Variants in RFX3 observed in about 807,000 individuals in gnomAD.
RFX3 encodes regulatory factor X3.
In RFX3, 14 loss-of-function variants were observed where a neutral mutation model predicts 98.6. The ratio of observed to expected loss-of-function variants is 0.14; its 90% confidence interval spans 0.09 to 0.22. The LOEUF (loss-of-function observed/expected upper bound fraction) is 0.22. Ranked by LOEUF, RFX3 falls within the 10% of genes least tolerant of loss-of-function variation. RFX3 has a pLI of 1.00. For synonymous variants in RFX3, 383 were observed against 328.4 expected (o/e 1.17, Z -1.80); for missense variants, 639 against 926.9 (o/e 0.69, Z 4.03).
At chr9:3,271,164 G>T (rs532078661) in intron 9 of RFX3, 46 bp from the exon 10 acceptor site, 1 of 1,528,528 alleles carries the variant, frequency 6.5e-7, no homozygotes, top group Non-Finnish European at 9.1e-7. Flanking sequence ...TATTATTTAC[G>T]GGACTGTGTG....
intron 13 of RFX3, among the ~76,000 whole-genome samples, chr9:3,258,005 T>C (rs1822364686): frequency 6.6e-6 from 1 of 152,200 alleles, no homozygotes; most frequent in South Asian, 2.1e-4. Context: ...AGTGCTATGT[T>C]GTATTTTAAG....
chr9:3,438,708 T>C (rs1449615809), intron 1 of RFX3, among the ~76,000 whole-genome samples: 3 of 151,990 alleles, frequency 2.0e-5, no homozygotes, highest in African/African-American at 4.8e-5. Context: ...ACCACACTAA[T>C]ACCAGTCAAA....
intron 1 of RFX3, among the ~76,000 whole-genome samples, chr9:3,449,776 C>T (rs1222317757): frequency 6.6e-6 from 1 of 151,422 alleles, no homozygotes; most frequent in African/African-American, 2.4e-5. Flanking sequence ...TCGTTTGAGC[C>T]CAAGAGATTG....
At chr9:3,306,583 C>A (rs868863691) in intron 4 of RFX3, among the ~76,000 whole-genome samples, 1 of 127,254 alleles carries the variant, frequency 7.9e-6, no homozygotes, top group African/African-American at 3.0e-5. Context: ...GGGAACATCA[C>A]ACACCGGGGA....
chr9:3,304,185 C>A (rs2130186681), intron 4 of RFX3, among the ~76,000 whole-genome samples: 1 of 152,010 alleles, frequency 6.6e-6, no homozygotes, highest in Non-Finnish European at 1.5e-5. Context: ...TTAGTTACCA[C>A]CTCACTGATA....
intron 1 of RFX3, 139 bp from the exon 2 acceptor site, chr9:3,395,735 T>C (rs576660705): frequency 7.4e-6 from 6 of 809,810 alleles, no homozygotes; most frequent in Non-Finnish European, 1.2e-5. Flanking sequence ...ACCATGACAG[T>C]CCGTGCATGT....
chr9:3,264,631 A>G (rs934207819), intron 12 of RFX3, among the ~76,000 whole-genome samples: 5 of 152,208 alleles, frequency 3.3e-5, no homozygotes, highest in Admixed American at 6.5e-5. Flanking sequence ...TTTAAAGAAG[A>G]TAAGTAGCTT....
At chr9:3,504,291 A>G (rs915800224) in intron 1 of RFX3, among the ~76,000 whole-genome samples, 1 of 100,390 alleles carries the variant, frequency 1.0e-5, no homozygotes, top group South Asian at 3.0e-4. Context: ...CATATAAAAT[A>G]TATATTATAT....
At chr9:3,237,821 G>A (rs1444553356) in intron 15 of RFX3, among the ~76,000 whole-genome samples, 1 of 152,190 alleles carries the variant, frequency 6.6e-6, no homozygotes, top group African/African-American at 2.4e-5. Flanking sequence ...CACAGCATGG[G>A]CGGAACAACA....
At chr9:3,333,128 T>C (rs1832784079) in intron 3 of RFX3, among the ~76,000 whole-genome samples, 1 of 152,184 alleles carries the variant, frequency 6.6e-6, no homozygotes, top group South Asian at 2.1e-4. Context: ...AGTCAGCAAA[T>C]AAAAATATTT....
rs771428125 is a variant in RFX3 at position 3,416,952 on chromosome 9, T to TA, written c.-8-21357dup. Among the ~76,000 whole-genome samples the TA allele has an allele frequency of 2.0e-5, 3 of 151,884 alleles. No individual in the cohort carries two copies. In the East Asian group the frequency reaches 5.8e-4, roughly 29 times the overall value. On this transcript the variant is annotated intron_variant, in intron 1 of 16. Transcript: ENST00000617270. ...AAGAGACAGAGATTGTCAAACCTTATAAAAAACAAAGACAAACAAAATGCT... is the reference window on the plus strand; with the variant it reads ...AAGAGACAGAGATTGTCAAACCTTATAAAAAAACAAAGACAAACAAAATGCT...
At chr9:3,499,337 A>G (rs1244013570) in intron 1 of RFX3, among the ~76,000 whole-genome samples, 1 of 152,044 alleles carries the variant, frequency 6.6e-6, no homozygotes, top group Non-Finnish European at 1.5e-5. Flanking sequence ...AATAAAAACC[A>G]TTCCCCCAAA....
chr9:3,427,127 T>A (rs1844123427), intron 1 of RFX3, among the ~76,000 whole-genome samples: 1 of 150,844 alleles, frequency 6.6e-6, no homozygotes, highest in Admixed American at 6.6e-5. Context: ...CAAGGTCTAC[T>A]GCTATTGACT....
chr9:3,318,965 T>A lies in RFX3; in HGVS notation c.474+11294A>T, dbSNP rs1587034306. Among the ~76,000 whole-genome samples, 4 of 152,314 alleles carry A rather than the reference T, an allele frequency of 2.6e-5. No individual in the cohort carries two copies. The South Asian group carries it at 8.3e-4, about 32-fold the overall frequency. On this transcript the variant is annotated intron_variant, in intron 4 of 16. Coordinates refer to ENST00000617270, the MANE Select transcript of RFX3 (RefSeq NM_001282116.2). ...CCCACCCTCACTAGAAGCCTATGAG[T>A]CTGTGACGATAAAACTAGTTTCTGA...
chr9:3,382,040 C>T (rs963342953), intron 2 of RFX3, among the ~76,000 whole-genome samples: 1 of 151,974 alleles, frequency 6.6e-6, no homozygotes, highest in African/African-American at 2.4e-5. Flanking sequence ...AAACAGACTC[C>T]ACTCTATCTC....
chr9:3,363,583 C>T (rs184625810), intron 2 of RFX3, among the ~76,000 whole-genome samples: 23 of 152,280 alleles, frequency 1.5e-4, no homozygotes, highest in Admixed American at 1.3e-3. Context: ...TAAACCAGTG[C>T]TAACACTATT....
rs551684051 is a variant in RFX3 at position 3,472,124 on chromosome 9, C to T, written c.-9+53623G>A. Among the ~76,000 whole-genome samples the T allele has an allele frequency of 2.6e-5, 4 of 152,278 alleles. No individual in the cohort carries two copies. The East Asian group carries it at 7.7e-4, about 29-fold the overall frequency. The stretch of plus-strand genomic sequence containing the variant: ...TTAGGCCATCTGGTTCTGTAACGCA[C>T]TGTATTTGTTTAGAAAGGTCACTGT... On this transcript the variant is annotated intron_variant, in intron 1 of 16. Coordinates refer to ENST00000617270, the MANE Select transcript of RFX3 (RefSeq NM_001282116.2).
chr9:3,224,906 T>A lies in RFX3; in HGVS notation c.*136A>T. 2 of 845,984 alleles carry A rather than the reference T, an allele frequency of 2.4e-6. No homozygotes were observed. Among genetic ancestry groups the A allele is most frequent in the Non-Finnish European group, 3.7e-6 (2 of 537,564 alleles). The allele number at this position is 845,984 out of a possible 1,614,324, so 52.4% of individuals were successfully genotyped here. On this transcript the variant is annotated 3_prime_UTR_variant, in exon 17 of 17. Transcript: ENST00000617270. ...TGGCAAAATACATACACCCATTCCA[T>A]TTCACAACTCCAAAAAGTTAATGTT... is the stretch of plus-strand genomic sequence containing the variant.
intron 4 of RFX3, among the ~76,000 whole-genome samples, chr9:3,315,115 T>C (rs906928499): frequency 1.3e-5 from 2 of 152,140 alleles, no homozygotes; most frequent in East Asian, 1.9e-4. Flanking sequence ...ATTGACCACA[T>C]AGTTGGAAGT....
Sources: gnomAD v4.1 joint callset for allele counts (sites outside exome capture counted in the v4.1 genomes callset) on GRCh38, gnomAD v4.1.1 for gene constraint, MANE v1.5 for transcripts, NCBI Gene and HGNC (gene_info 2026-07-23, HGNC 2026-07-21) for gene names.